The following TMEM200A variants were observed in gnomAD, a reference collection of about 807,000 sequenced individuals.
TMEM200A encodes transmembrane protein 200A.
A neutral mutation model predicts 24.3 loss-of-function variants in TMEM200A; 12 were observed. That is an observed-to-expected ratio of 0.49 (90% CI 0.32 to 0.80). The LOEUF (loss-of-function observed/expected upper bound fraction) is 0.80, where lower values mean the gene tolerates loss of function less well. Among genes scored for constraint, TMEM200A ranks in the 30% least tolerant of loss-of-function variants. TMEM200A has a pLI of 0.04. For missense variants in TMEM200A, 545 were observed against 614.4 expected, an observed-to-expected ratio of 0.89 and a Z score of 1.19; for synonymous variants, 224 against 224.4, an observed-to-expected ratio of 1.00 and a Z score of 0.02.
intron 2 of TMEM200A, among the ~76,000 whole-genome samples, chr6:130,402,546 C>T (rs941984958): frequency 6.6e-6 from 1 of 152,152 alleles, no homozygotes. Flanking sequence ...TTATTCCTGT[C>T]TTTCTATACC....
intron 2 of TMEM200A, among the ~76,000 whole-genome samples, chr6:130,414,794 T>C (rs1006491213): frequency 2.0e-5 from 3 of 152,324 alleles, no homozygotes; most frequent in Admixed American, 2.0e-4. Context: ...TGTCAGGCAC[T>C]ATGCTAGGAA....
chr6:130,421,688 A>G (rs1286812659), intron 2 of TMEM200A, among the ~76,000 whole-genome samples: 1 of 152,102 alleles, frequency 6.6e-6, no homozygotes, highest in Non-Finnish European at 1.5e-5. Flanking sequence ...CCCTTTGACC[A>G]TCTCCCATTC....
At chr6:130,378,235 A>G (rs1414585403) in intron 1 of TMEM200A, among the ~76,000 whole-genome samples, 1 of 151,176 alleles carries the variant, frequency 6.6e-6, no homozygotes, top group African/African-American at 2.4e-5. Context: ...ATGATTTCTA[A>G]GAATATTGAA....
intron 2 of TMEM200A, among the ~76,000 whole-genome samples, chr6:130,422,289 G>A (rs1779613088): frequency 6.6e-6 from 1 of 152,062 alleles, no homozygotes; most frequent in East Asian, 1.9e-4. Flanking sequence ...TTTTTTTTAA[G>A]ATGGAGTGTC....
At chr6:130,412,264 A>G (rs891424253) in intron 2 of TMEM200A, among the ~76,000 whole-genome samples, 16 of 150,072 alleles carry the variant, frequency 1.1e-4, no homozygotes, top group African/African-American at 3.9e-4. Flanking sequence ...GCTTATTGCT[A>G]TCTGGGTATT....
In TMEM200A at chr6:130,416,401, C is replaced by G. The variant is rs542890588; in HGVS notation, c.-16-24006C>G. On this transcript the variant is annotated intron_variant, in intron 2 of 2. Transcript: ENST00000296978. ...AGCAAGTCTCTAGGAATGTAAGAAC[C>G]AATAACATATTCAAAACTAAACTCT... Among the ~76,000 whole-genome samples the G allele has an allele frequency of 7.2e-5, 11 of 152,080 alleles. No individual in the cohort carries two copies. The South Asian group carries it at 1.7e-3, about 23-fold the overall frequency.
At chr6:130,393,955 C>T (rs1778893381) in intron 2 of TMEM200A, among the ~76,000 whole-genome samples, 1 of 152,152 alleles carries the variant, frequency 6.6e-6, no homozygotes, top group Non-Finnish European at 1.5e-5. Context: ...TGTCTTGATC[C>T]TACAGATTGA....
chr6:130,382,233 A>T (rs1047875580), intron 1 of TMEM200A, among the ~76,000 whole-genome samples: 1 of 152,216 alleles, frequency 6.6e-6, no homozygotes, highest in African/African-American at 2.4e-5. Flanking sequence ...ATGAAAGGCC[A>T]TGTAAGTGAA....
Position 130,423,903 on chromosome 6 carries a change from A to ATAAT in TMEM200A, c.-16-16502_-16-16499dup, listed in dbSNP as rs527506859. 7.2e-3 allele frequency among the ~76,000 whole-genome samples: 1,097 copies of ATAAT among 152,242 alleles called. 11 individuals are homozygous for ATAAT. Among genetic ancestry groups the ATAAT allele is most frequent in the Middle Eastern group, 0.017 (5 of 294 alleles). ...TGAATACTTCTCACATACAGTTTTG[A>ATAAT]TAATTTCTTATAGAAGTGAGTTCCT... On this transcript the variant is annotated intron_variant, in intron 2 of 2. Transcript: ENST00000296978.
chr6:130,386,178 A>C (rs1778707199), intron 2 of TMEM200A, among the ~76,000 whole-genome samples: 1 of 152,212 alleles, frequency 6.6e-6, no homozygotes, highest in Non-Finnish European at 1.5e-5. Flanking sequence ...CCTCTAAGAT[A>C]AATGATCTCC....
At chr6:130,428,963 C>T (rs1275787090) in intron 2 of TMEM200A, among the ~76,000 whole-genome samples, 7 of 151,554 alleles carry the variant, frequency 4.6e-5, no homozygotes, top group Non-Finnish European at 8.8e-5. Context: ...TATTGTATAC[C>T]AATATACAAT....
At chr6:130,426,198 G>A (rs117034164) in intron 2 of TMEM200A, among the ~76,000 whole-genome samples, 13 of 152,178 alleles carry the variant, frequency 8.5e-5, no homozygotes, top group Non-Finnish European at 1.8e-4. Flanking sequence ...AACCCTTGAG[G>A]GCCAGGGACA....
At chr6:130,382,892 G>A (rs1393151012) in intron 1 of TMEM200A, 10 of 295,050 alleles carry the variant, frequency 3.4e-5, no homozygotes, top group Non-Finnish European at 5.0e-5. Context: ...GTGGCATGAA[G>A]CAGGAACATT....
chr6:130,419,727 A>G (rs1779538915), intron 2 of TMEM200A, among the ~76,000 whole-genome samples: 1 of 152,204 alleles, frequency 6.6e-6, no homozygotes, highest in Non-Finnish European at 1.5e-5. Flanking sequence ...GGCTCCTGAC[A>G]CCAGAGCATC....
rs1399791389 is a variant in TMEM200A, at chr6:130,418,925, AG to A, written c.-16-21481del. 2.0e-5 allele frequency among the ~76,000 whole-genome samples: 3 copies of A among 152,200 alleles called. No individual in the cohort carries two copies. In the South Asian group the frequency reaches 6.2e-4, roughly 32 times the overall value. ...ATTTGTATGTATTGGGAACATATCGAGTCCTCTCTTCTAGCTATTTTGAAAT... is the reference window on the plus strand; with the variant it reads ...ATTTGTATGTATTGGGAACATATCGATCCTCTCTTCTAGCTATTTTGAAAT... On this transcript the variant is annotated intron_variant, in intron 2 of 2. Coordinates refer to ENST00000296978, the MANE Select transcript of TMEM200A (RefSeq NM_001258277.2).
upstream of TMEM200A, chr6:130,365,988 T>G (rs1778130505): frequency 1.0e-6 from 1 of 985,400 alleles, no homozygotes; most frequent in Non-Finnish European, 1.2e-6. Context: ...CTTCGGGGCT[T>G]TATGGCGTGA....
At chr6:130,411,545 A>G (rs1276880352) in intron 2 of TMEM200A, among the ~76,000 whole-genome samples, 1 of 152,230 alleles carries the variant, frequency 6.6e-6, no homozygotes, top group Admixed American at 6.5e-5. Flanking sequence ...CTTTTATAGC[A>G]GAAGGATCCA....
At chr6:130,417,539 G>A (rs922853150) in intron 2 of TMEM200A, among the ~76,000 whole-genome samples, 26 of 152,234 alleles carry the variant, frequency 1.7e-4, no homozygotes, top group African/African-American at 6.3e-4. Context: ...TGAATTCTTT[G>A]TATTATATGG....
chr6:130,393,484 C>T (rs538676657), intron 2 of TMEM200A, among the ~76,000 whole-genome samples: 16 of 152,278 alleles, frequency 1.1e-4, no homozygotes, highest in Middle Eastern at 3.4e-3. Context: ...AATGGGCAGA[C>T]GTGTTACATC....
Sources: allele counts gnomAD v4.1 joint callset (sites outside exome capture counted in the v4.1 genomes callset), GRCh38; gene constraint gnomAD v4.1.1; transcripts MANE v1.5; gene names NCBI Gene and HGNC (gene_info 2026-07-23, HGNC 2026-07-21).